NRG2: variants seen among roughly 807,000 people sequenced by gnomAD.
NRG2 encodes pro-neuregulin-2, membrane-bound isoform.
Under a neutral mutation model 73.9 loss-of-function variants are expected in NRG2, and 27 were observed. The ratio of observed to expected loss-of-function variants is 0.37; its 90% confidence interval spans 0.27 to 0.50. NRG2 has a LOEUF of 0.50. Ranked by LOEUF, NRG2 falls within the 20% of genes least tolerant of loss-of-function variation. The pLI, the probability that NRG2 is intolerant of heterozygous loss-of-function variation, is 0.96. For missense variants in NRG2, 1,126 were observed against 1,210.1 expected (o/e 0.93, Z 1.03); for synonymous variants, 532 against 541.0 (o/e 0.98, Z 0.23).
chr5:139,986,052 A>G (rs1757150821), intron 1 of NRG2, among the ~76,000 whole-genome samples: 1 of 152,236 alleles, frequency 6.6e-6, no homozygotes. Flanking sequence ...AAACATAGTC[A>G]CATGTTTACC....
chr5:139,886,030 C>A (rs1017462644), intron 2 of NRG2, among the ~76,000 whole-genome samples: 14 of 152,126 alleles, frequency 9.2e-5, no homozygotes, highest in African/African-American at 3.4e-4. Context: ...GCAGCCAGAG[C>A]TTCTTGCCAA....
chr5:139,941,943 A>C (rs1303678937), intron 1 of NRG2, among the ~76,000 whole-genome samples: 1 of 152,190 alleles, frequency 6.6e-6, no homozygotes, highest in Non-Finnish European at 1.5e-5. Flanking sequence ...CCGCCATATA[A>C]ATTTCACAAA....
chr5:139,888,340 C>G (rs1370617871), intron 1 of NRG2, among the ~76,000 whole-genome samples: 8 of 152,234 alleles, frequency 5.3e-5, no homozygotes, highest in Admixed American at 4.6e-4. Context: ...GGTGAAGAAA[C>G]TTGCCTGAAG....
intron 1 of NRG2, among the ~76,000 whole-genome samples, chr5:139,925,545 G>A: frequency 6.6e-6 from 1 of 152,180 alleles, no homozygotes; most frequent in East Asian, 1.9e-4. Flanking sequence ...TTCTTTCCTG[G>A]TAAATATTAT....
At position 139,894,222 on chromosome 5, in the gene NRG2, AG is replaced by A. The variant is rs1416599220; in HGVS notation, c.701-6712del. ...GCCTCCCTCCCGGCACCCAGCGGGC[AG>A]GGGCAGCAGGCTCTTAAAAGGGTTA... is the stretch of plus-strand genomic sequence containing the variant. On this transcript the variant is annotated intron_variant, in intron 1 of 9. Transcript: ENST00000361474. The surrounding 1 kb of genome is among the most constrained non-coding windows in gnomAD (Gnocchi z 5.0). 6.6e-6 allele frequency among the ~76,000 whole-genome samples: 1 copy of A among 152,178 alleles called. No homozygotes were observed.
At chr5:139,932,804 G>T (rs1215479101) in intron 1 of NRG2, among the ~76,000 whole-genome samples, 3 of 152,000 alleles carry the variant, frequency 2.0e-5, no homozygotes, top group Non-Finnish European at 2.9e-5. Context: ...TCTCCTAGAA[G>T]TGTCAAGAAG....
intron 3 of NRG2, among the ~76,000 whole-genome samples, chr5:139,876,083 T>C (rs997072346): frequency 6.6e-6 from 1 of 151,936 alleles, no homozygotes; most frequent in African/African-American, 2.4e-5. Context: ...GTGGAAACAA[T>C]CCAAATGACC....
intron 1 of NRG2, among the ~76,000 whole-genome samples, chr5:140,016,672 T>TAGC (rs1200579423): frequency 1.3e-5 from 2 of 152,262 alleles, no homozygotes; most frequent in East Asian, 3.8e-4. Context: ...TGAACAGATG[T>TAGC]AGCACATCTA....
At chr5:139,890,510 T>G (rs1177802952) in intron 1 of NRG2, among the ~76,000 whole-genome samples, 3 of 146,644 alleles carry the variant, frequency 2.0e-5, no homozygotes, top group African/African-American at 7.6e-5. Context: ...AGATTCTATG[T>G]GCATCAATCT....
At chr5:139,938,901 AAAGAAAAG>A (rs1442235909) in intron 1 of NRG2, among the ~76,000 whole-genome samples, 5 of 69,746 alleles carry the variant, frequency 7.2e-5, no homozygotes, top group East Asian at 7.4e-4. Flanking sequence ...AGAAAGAAAG[AAAGAAAAG>A]AAAGAAAGAA....
intron 1 of NRG2, among the ~76,000 whole-genome samples, chr5:139,960,669 G>A (rs1754992140): frequency 6.6e-6 from 1 of 152,154 alleles, no homozygotes; most frequent in Non-Finnish European, 1.5e-5. Flanking sequence ...TGCATCCTCT[G>A]GCTCACAGTA....
intron 1 of NRG2, among the ~76,000 whole-genome samples, chr5:139,966,079 T>G (rs1755492301): frequency 6.6e-6 from 1 of 152,182 alleles, no homozygotes; most frequent in Admixed American, 6.5e-5. Flanking sequence ...GTATCCCCAG[T>G]GTCAGTGTGG....
intron 1 of NRG2, among the ~76,000 whole-genome samples, chr5:139,902,468 C>T (rs1051428250): frequency 6.6e-6 from 1 of 152,134 alleles, no homozygotes; most frequent in Admixed American, 6.5e-5. Context: ...TTAGTGTCCC[C>T]TTCTCTCTCC....
At chr5:139,886,173 C>G (rs549658990) in intron 2 of NRG2, among the ~76,000 whole-genome samples, 17 of 152,334 alleles carry the variant, frequency 1.1e-4, no homozygotes, top group Admixed American at 1.1e-3. Flanking sequence ...CTGTTTTCTG[C>G]CAGGATCATT....
chr5:139,969,330 T>C (rs197197), intron 1 of NRG2, among the ~76,000 whole-genome samples: 1 of 152,004 alleles, frequency 6.6e-6, no homozygotes, highest in South Asian at 2.1e-4. Context: ...GGCTGTTATC[T>C]GGAAGAAAGA....
rs1332506106 is a variant in NRG2 at position 139,868,917 on chromosome 5, G to A, written c.1112+2804C>T. Among the ~76,000 whole-genome samples, 1 of 152,030 alleles carries A rather than the reference G, an allele frequency of 6.6e-6. No individual in the cohort carries two copies. Among genetic ancestry groups the A allele is most frequent in the African/African-American group, 2.4e-5 (1 of 41,354 alleles). On this transcript the variant is annotated intron_variant, in intron 4 of 9. Coordinates refer to ENST00000361474, the MANE Select transcript of NRG2 (RefSeq NM_004883.3). The surrounding 1 kb of genome is among the most constrained non-coding windows in gnomAD (Gnocchi z 4.2). ...GATGGGAAGGGGAGGCATGCCACTG[G>A]TATGTGCACAGGGCTGGAAAGAGTC...
chr5:139,887,371 G>A lies in NRG2; in HGVS notation c.841C>T (p.Arg281Ter). The change falls in exon 2 of 10, where the codon CGA becomes TGA. Residue 281 changes from arginine to a stop codon, truncating the protein, a stop_gained. Coordinates refer to ENST00000361474, the MANE Select transcript of NRG2 (RefSeq NM_004883.3). LOFTEE classifies it high-confidence loss of function. This position sits in a 1 kb window ranked among gnomAD's most constrained non-coding sequence, Gnocchi z 4.5. ...FKDGKELNRS[R>*]DIRIKYGNGR... ...TTGCCATATTTGATGCGAATGTCTCGGCTGCGGTTGAGCTCCTTGCCATCC... is the reference window on the plus strand; with the variant it reads ...TTGCCATATTTGATGCGAATGTCTCAGCTGCGGTTGAGCTCCTTGCCATCC... 1.2e-6 allele frequency: 2 copies of A among 1,614,212 alleles called. No individual in the cohort carries two copies. Among genetic ancestry groups the A allele is most frequent in the Non-Finnish European group, 8.5e-7 (1 of 1,180,042 alleles).
At chr5:139,939,243 CCTTTCTTTCTTTCTTTCTT>C in intron 1 of NRG2, among the ~76,000 whole-genome samples, 1 of 69,308 alleles carries the variant, frequency 1.4e-5, no homozygotes, top group East Asian at 5.2e-4. Flanking sequence ...TTCCTTCCTT[CCTTTCTTTCTTTCTTTCTT>C]TTTCTTTCTT....
intron 1 of NRG2, among the ~76,000 whole-genome samples, chr5:139,978,127 CA>C (rs1331757647): frequency 6.6e-6 from 1 of 152,130 alleles, no homozygotes; most frequent in Non-Finnish European, 1.5e-5. Context: ...TTCTGCACAG[CA>C]AAAGAAACTA....
Sources: allele counts gnomAD v4.1 joint callset (sites outside exome capture counted in the v4.1 genomes callset), GRCh38; gene constraint gnomAD v4.1.1; non-coding constraint Gnocchi (gnomAD v3.1); transcripts MANE v1.5; gene names NCBI Gene and HGNC (gene_info 2026-07-23, HGNC 2026-07-21).